Variants in PDE1C observed in about 807,000 individuals in gnomAD.
PDE1C encodes the protein dual specificity calcium/calmodulin-dependent 3',5'-cyclic nucleotide phosphodiesterase 1C.
A neutral mutation model predicts 93.1 loss-of-function variants in PDE1C; 62 were observed. That is an observed-to-expected ratio of 0.67 (90% CI 0.54 to 0.82). The LOEUF (loss-of-function observed/expected upper bound fraction) is 0.82, where lower values mean the gene tolerates loss of function less well. PDE1C is among the 40% of genes least tolerant of loss of function. The pLI, the probability that PDE1C is intolerant of heterozygous loss-of-function variation, is 0.00. For synonymous variants in PDE1C, 325 were observed against 310.1 expected (o/e 1.05, Z -0.50); for missense variants, 742 against 884.6 (o/e 0.84, Z 2.04).
chr7:31,755,104 C>T (rs1794370748), intron 17 of PDE1C, among the ~76,000 whole-genome samples: 1 of 152,046 alleles, frequency 6.6e-6, no homozygotes. Flanking sequence ...AAATTGTTTC[C>T]CATGGGGCTA....
chr7:32,172,816 C>G (rs1285582924), intron 2 of PDE1C, among the ~76,000 whole-genome samples: 14 of 133,444 alleles, frequency 1.0e-4, no homozygotes. Context: ...GAGCAAAACT[C>G]CATCTTTAAA....
chr7:31,668,546 T>C, the PDE1C span, among the ~76,000 whole-genome samples: 1 of 152,120 alleles, frequency 6.6e-6, no homozygotes, highest in Admixed American at 6.5e-5. Context: ...ATAAACCTCA[T>C]AAACATACTG....
chr7:32,304,343 C>A (rs1237018250), intron 1 of PDE1C, among the ~76,000 whole-genome samples: 1 of 152,196 alleles, frequency 6.6e-6, no homozygotes, highest in African/African-American at 2.4e-5. Context: ...GGCCCTGGCA[C>A]AGAGTAAGCC....
intron 9 of PDE1C, among the ~76,000 whole-genome samples, chr7:31,839,987 A>G (rs931837184): frequency 2.0e-5 from 3 of 152,206 alleles, no homozygotes; most frequent in South Asian, 2.1e-4. Context: ...CAATGAGGTG[A>G]TATCATGCCA....
At chr7:31,910,261 A>G (rs1363186585) in intron 2 of PDE1C, among the ~76,000 whole-genome samples, 1 of 151,862 alleles carries the variant, frequency 6.6e-6, no homozygotes, top group Non-Finnish European at 1.5e-5. Context: ...CTCTTTTTCA[A>G]CTTTGCACAG....
the PDE1C span, among the ~76,000 whole-genome samples, chr7:31,722,826 G>GA: frequency 1.3e-5 from 2 of 152,128 alleles, no homozygotes; most frequent in South Asian, 4.1e-4. Context: ...TTTAAATTAG[G>GA]AAAGTTCTCA....
intron 3 of PDE1C, among the ~76,000 whole-genome samples, chr7:32,091,282 T>C (rs556878056): frequency 2.2e-4 from 33 of 152,344 alleles, no homozygotes; most frequent in Middle Eastern, 6.8e-3. Context: ...CTTTCCCCTG[T>C]GCTTCAATGA....
intron 2 of PDE1C, among the ~76,000 whole-genome samples, chr7:32,182,155 T>C (rs1803487838): frequency 6.6e-6 from 1 of 152,182 alleles, no homozygotes; most frequent in Non-Finnish European, 1.5e-5. Context: ...GAGGCAATAA[T>C]TAATAGCTTA....
At chr7:32,030,672 AG>A (rs1790193541) in intron 2 of PDE1C, among the ~76,000 whole-genome samples, 1 of 152,136 alleles carries the variant, frequency 6.6e-6, no homozygotes, top group Admixed American at 6.6e-5. Context: ...CATAAAACTT[AG>A]GAAGGACTTT....
intron 16 of PDE1C, among the ~76,000 whole-genome samples, chr7:31,780,063 C>T (rs1783290006): frequency 6.6e-6 from 1 of 152,154 alleles, no homozygotes; most frequent in Admixed American, 6.5e-5. Flanking sequence ...GTTTTCAATC[C>T]TGGCTACATA....
intron 15 of PDE1C, among the ~76,000 whole-genome samples, chr7:31,811,126 C>A (rs951403683): frequency 6.6e-6 from 1 of 152,044 alleles, no homozygotes; most frequent in Non-Finnish European, 1.5e-5. Context: ...ATCATGGGGG[C>A]AGTTTCCCCC....
Position 31,955,349 on chromosome 7 carries a change from T to C in PDE1C, c.129-74489A>G, listed in dbSNP as rs143481653. On this transcript the variant is annotated intron_variant, in intron 2 of 17. Transcript: ENST00000396191. ...AGGATGCCCATATATACCCAAAGTG[T>C]GTTTTCCTCTGCCTTATTCTGGCAG... Among the ~76,000 whole-genome samples the C allele has an allele frequency of 5.9e-5, 9 of 152,312 alleles. No individual in the cohort carries two copies. The East Asian group carries it at 1.5e-3, about 26-fold the overall frequency.
In PDE1C at chr7:31,833,611, T is replaced by C. The variant is rs527359822; in HGVS notation, c.1203+3569A>G. Among the ~76,000 whole-genome samples, 4 of 152,244 alleles carry C rather than the reference T, an allele frequency of 2.6e-5. No individual in the cohort carries two copies. In the South Asian group the frequency reaches 8.3e-4, roughly 32 times the overall value. On this transcript the variant is annotated intron_variant, in intron 11 of 17. Transcript: ENST00000396191. ...TGGAGTAAAAATGATTCTTGCTGTG[T>C]TTTAGCAAAGAGACTGGCAGCATTT...
At chr7:32,319,933 C>T (rs76039678) in intron 1 of PDE1C, among the ~76,000 whole-genome samples, 8 of 152,226 alleles carry the variant, frequency 5.3e-5, no homozygotes, top group Non-Finnish European at 1.2e-4. Context: ...AATTACTTAT[C>T]TCAAAGTCCA....
chr7:32,354,464 C>CA (rs1301644481), intron 1 of PDE1C, among the ~76,000 whole-genome samples: 6 of 151,942 alleles, frequency 3.9e-5, no homozygotes, highest in South Asian at 2.1e-4. Flanking sequence ...CTGTCTCACA[C>CA]AAAAAAATTT....
intron 1 of PDE1C, among the ~76,000 whole-genome samples, chr7:32,427,408 C>A (rs1197199949): frequency 1.3e-5 from 2 of 152,156 alleles, no homozygotes; most frequent in African/African-American, 4.8e-5. Context: ...AGTCTTCCCC[C>A]AACTGCACAC....
At chr7:32,157,223 C>T (rs1801628459) in intron 3 of PDE1C, among the ~76,000 whole-genome samples, 2 of 152,162 alleles carry the variant, frequency 1.3e-5, no homozygotes. Flanking sequence ...TTCAACCCCC[C>T]TCCCTATTTC....
At chr7:31,733,861 A>G in the PDE1C span, among the ~76,000 whole-genome samples, 5 of 152,020 alleles carry the variant, frequency 3.3e-5, no homozygotes, top group Admixed American at 2.6e-4. Context: ...AACATTAGCC[A>G]GGCATGGTGG....
chr7:32,365,485 G>A (rs1012972164), intron 1 of PDE1C, among the ~76,000 whole-genome samples: 1 of 152,132 alleles, frequency 6.6e-6, no homozygotes, highest in Non-Finnish European at 1.5e-5. Context: ...GATTGTCCCT[G>A]GCAGACACAT....
Sources: allele counts gnomAD v4.1 joint callset (sites outside exome capture counted in the v4.1 genomes callset), GRCh38; gene constraint gnomAD v4.1.1; transcripts MANE v1.5; gene names NCBI Gene and HGNC (gene_info 2026-07-23, HGNC 2026-07-21).